QTMAN: variants seen among roughly 807,000 people sequenced by gnomAD.
QTMAN encodes the protein queuosine-tRNA mannosyltransferase.
the QTMAN span, among the ~76,000 whole-genome samples, chr2:144,201,949 G>C: frequency 1.1e-4 from 16 of 152,284 alleles, no homozygotes; most frequent in Middle Eastern, 3.4e-3. Flanking sequence ...AAGTTCTTTA[G>C]AAAGACATAA....
the QTMAN span, among the ~76,000 whole-genome samples, chr2:144,023,691 A>C: frequency 6.6e-6 from 1 of 152,224 alleles, no homozygotes; most frequent in Non-Finnish European, 1.5e-5. Flanking sequence ...ATGAATTCAG[A>C]GTTTGTGTTA....
At chr2:144,296,127 G>A in the QTMAN span, among the ~76,000 whole-genome samples, 1 of 152,144 alleles carries the variant, frequency 6.6e-6, no homozygotes, top group Non-Finnish European at 1.5e-5. Context: ...AGAGACTCAG[G>A]ACAGATGGAC....
the QTMAN span, among the ~76,000 whole-genome samples, chr2:144,115,460 C>T: frequency 2.6e-5 from 4 of 152,204 alleles, no homozygotes; most frequent in African/African-American, 9.6e-5. Flanking sequence ...TTAACTGTGG[C>T]ATCATTTGTT....
chr2:144,019,664 T>C, the QTMAN span, among the ~76,000 whole-genome samples: 1 of 152,098 alleles, frequency 6.6e-6, no homozygotes, highest in African/African-American at 2.4e-5. Flanking sequence ...TCTAAGCCTA[T>C]GCAGCTCCCA....
At chr2:144,218,795 T>C in the QTMAN span, among the ~76,000 whole-genome samples, 3 of 151,166 alleles carry the variant, frequency 2.0e-5, no homozygotes, top group African/African-American at 7.3e-5. Flanking sequence ...CTTGATGAGA[T>C]GAAATAAATG....
the QTMAN span, among the ~76,000 whole-genome samples, chr2:144,166,301 T>C: frequency 6.6e-6 from 1 of 152,208 alleles, no homozygotes; most frequent in Admixed American, 6.5e-5. Context: ...TAAGAATCGG[T>C]TGTCATTACC....
chr2:144,182,884 T>A, the QTMAN span, among the ~76,000 whole-genome samples: 5 of 81,000 alleles, frequency 6.2e-5, no homozygotes, highest in African/African-American at 1.7e-4. Flanking sequence ...TATATATATA[T>A]TTTATATATA....
the QTMAN span, among the ~76,000 whole-genome samples, chr2:144,099,537 T>C: frequency 6.6e-6 from 1 of 152,228 alleles, no homozygotes; most frequent in Non-Finnish European, 1.5e-5. Context: ...TTTTTTCCAC[T>C]ACTGATAACG....
At chr2:144,201,265 G>C in the QTMAN span, among the ~76,000 whole-genome samples, 6 of 152,188 alleles carry the variant, frequency 3.9e-5, no homozygotes, top group Non-Finnish European at 7.3e-5. Context: ...AACAAGGGGT[G>C]TGGGTTGGGG....
At chr2:144,286,306 G>A in the QTMAN span, among the ~76,000 whole-genome samples, 1 of 152,182 alleles carries the variant, frequency 6.6e-6, no homozygotes, top group Admixed American at 6.5e-5. Flanking sequence ...TTTTGCAGCA[G>A]TTTGTCAAAT....
the QTMAN span, among the ~76,000 whole-genome samples, chr2:144,115,937 TA>T: frequency 5.8e-4 from 88 of 152,278 alleles, no homozygotes; most frequent in African/African-American, 2.1e-3. Flanking sequence ...GGAACTGCAG[TA>T]ACTCACAGGC....
the QTMAN span, among the ~76,000 whole-genome samples, chr2:144,204,651 C>T: frequency 6.6e-6 from 1 of 152,126 alleles, no homozygotes; most frequent in South Asian, 2.1e-4. Flanking sequence ...GGGTATATGC[C>T]CAAAGGATTA....
the QTMAN span, among the ~76,000 whole-genome samples, chr2:144,270,798 T>C: frequency 1.3e-5 from 2 of 152,150 alleles, no homozygotes; most frequent in African/African-American, 4.8e-5. Flanking sequence ...GTTCTGCCCA[T>C]GTATCCCAGA....
chr2:144,080,114 A>G, the QTMAN span, among the ~76,000 whole-genome samples: 1 of 152,008 alleles, frequency 6.6e-6, no homozygotes, highest in African/African-American at 2.4e-5. Context: ...TTTAGATGTA[A>G]CCTCTCTGTC....
At chr2:144,157,475 T>TAAC in the QTMAN span, among the ~76,000 whole-genome samples, 1 of 151,920 alleles carries the variant, frequency 6.6e-6, no homozygotes. Flanking sequence ...TGCTTGTACA[T>TAAC]AACAATGGTC....
chr2:144,145,652 A>G, the QTMAN span: 1 of 1,611,786 alleles, frequency 6.2e-7, no homozygotes, highest in Non-Finnish European at 8.5e-7. Flanking sequence ...GGTTCTCGTG[A>G]AAATACAGAA....
chr2:143,990,232 C>T, the QTMAN span, among the ~76,000 whole-genome samples: 20 of 152,102 alleles, frequency 1.3e-4, no homozygotes, highest in African/African-American at 4.6e-4. Flanking sequence ...GATGCAAGAG[C>T]CTGCTCTCAG....
At chr2:144,188,061 T>C in the QTMAN span, among the ~76,000 whole-genome samples, 7 of 151,358 alleles carry the variant, frequency 4.6e-5, no homozygotes, top group African/African-American at 1.7e-4. Context: ...GATTCATCCC[T>C]AGAGCCTCAG....
the QTMAN span, among the ~76,000 whole-genome samples, chr2:144,004,155 T>C: frequency 2.2e-3 from 342 of 152,054 alleles, 1 homozygote; most frequent in African/African-American, 8.0e-3. Context: ...TGCAGGCTAC[T>C]GTAAAGAAAA....
Sources: gnomAD v4.1 joint callset for allele counts (sites outside exome capture counted in the v4.1 genomes callset) on GRCh38, gnomAD v4.1.1 for gene constraint, MANE v1.5 for transcripts, NCBI Gene and HGNC (gene_info 2026-07-23, HGNC 2026-07-21) for gene names.